The following RHBDD1 variants were observed in gnomAD, a reference collection of about 807,000 sequenced individuals.
RHBDD1 encodes rhomboid domain containing 1.
In RHBDD1, 38 loss-of-function variants were observed where a neutral mutation model predicts 36.3. The ratio of observed to expected loss-of-function variants is 1.05; its 90% CI spans 0.81 to 1.37. RHBDD1 has a LOEUF of 1.37. Ranked by LOEUF, RHBDD1 falls within the 40% of genes most tolerant of loss-of-function variation. The pLI, the probability that RHBDD1 is intolerant of heterozygous loss-of-function variation, is 0.00. For synonymous variants in RHBDD1, 151 were observed against 136.5 expected, an observed-to-expected ratio of 1.11 and a Z score of -0.74; for missense variants, 393 against 377.6, an observed-to-expected ratio of 1.04 and a Z score of -0.34.
intron 3 of RHBDD1, among the ~76,000 whole-genome samples, chr2:226,852,726 C>T (rs546392758): frequency 6.6e-6 from 1 of 152,088 alleles, no homozygotes; most frequent in African/African-American, 2.4e-5. Flanking sequence ...ATTTATTGCT[C>T]TACCTTGTCT....
At chr2:226,940,532 G>C (rs1171966827) in intron 8 of RHBDD1, among the ~76,000 whole-genome samples, 2 of 151,224 alleles carry the variant, frequency 1.3e-5, no homozygotes, top group South Asian at 4.2e-4. Flanking sequence ...TTATTTGCTT[G>C]TGTGTGTGTG....
At chr2:226,913,846 C>A (rs1238322323) in intron 7 of RHBDD1, among the ~76,000 whole-genome samples, 1 of 152,182 alleles carries the variant, frequency 6.6e-6, no homozygotes, top group African/African-American at 2.4e-5. Context: ...CCACCATTCT[C>A]TTGACTCAAG....
intron 5 of RHBDD1, among the ~76,000 whole-genome samples, chr2:226,889,391 C>T (rs1031262400): frequency 2.0e-5 from 3 of 152,048 alleles, no homozygotes; most frequent in Non-Finnish European, 4.4e-5. Flanking sequence ...ACGTTAGTTG[C>T]GATTGAGTTT....
At chr2:226,833,225 C>T (rs1940786824), upstream of RHBDD1, among the ~76,000 whole-genome samples, 4 of 152,198 alleles carry the variant, frequency 2.6e-5, no homozygotes, top group African/African-American at 9.7e-5. Flanking sequence ...ATCAGTTTTA[C>T]ACATATTTTG....
chr2:226,831,792 G>GA (rs1377687361), upstream of RHBDD1, among the ~76,000 whole-genome samples: 11 of 151,850 alleles, frequency 7.2e-5, no homozygotes, highest in Non-Finnish European at 1.5e-4. Context: ...GTCTGTCTAG[G>GA]AATTTGTCCA....
At chr2:226,914,470 G>C in intron 8 of RHBDD1, 119 bp downstream of exon 8, 1 of 1,182,728 alleles carries the variant, frequency 8.5e-7, no homozygotes, top group Non-Finnish European at 1.2e-6. Flanking sequence ...ATATGTAGAT[G>C]AAAACTGTGT....
intron 5 of RHBDD1, among the ~76,000 whole-genome samples, chr2:226,900,730 T>C (rs1160244387): frequency 1.3e-5 from 2 of 152,188 alleles, no homozygotes; most frequent in African/African-American, 2.4e-5. Context: ...CCCAGCTTTA[T>C]TGAGGCATCA....
At chr2:226,894,523 G>A (rs1229621089) in intron 5 of RHBDD1, among the ~76,000 whole-genome samples, 7 of 152,110 alleles carry the variant, frequency 4.6e-5, no homozygotes, top group East Asian at 1.9e-4. Flanking sequence ...TGCCTGCCTC[G>A]GCCTCCCAAA....
the RHBDD1 span, among the ~76,000 whole-genome samples, chr2:226,814,751 G>C: frequency 2.0e-5 from 3 of 152,182 alleles, no homozygotes; most frequent in Non-Finnish European, 2.9e-5. Flanking sequence ...TGAGCAACGG[G>C]TAGGCTAGTG....
intron 8 of RHBDD1, among the ~76,000 whole-genome samples, chr2:226,950,458 CT>C (rs751888422): frequency 9.2e-5 from 14 of 152,172 alleles, no homozygotes; most frequent in Admixed American, 2.0e-4. Context: ...TTGATGGACA[CT>C]TAGGTTGATT....
At chr2:226,968,858 T>A (rs1045006557) in intron 8 of RHBDD1, 1 of 152,202 alleles carries the variant, frequency 6.6e-6, no homozygotes, top group African/African-American at 2.4e-5. Context: ...CTCAATTTCC[T>A]CATCTGAGGA....
chr2:226,886,044 A>G (rs1946175591), intron 5 of RHBDD1, among the ~76,000 whole-genome samples: 1 of 152,222 alleles, frequency 6.6e-6, no homozygotes, highest in Non-Finnish European at 1.5e-5. Context: ...TTGTTTATTT[A>G]TAGAATTTTC....
intron 8 of RHBDD1, among the ~76,000 whole-genome samples, chr2:226,966,717 T>C (rs971600454): frequency 6.6e-6 from 1 of 152,206 alleles, no homozygotes; most frequent in African/African-American, 2.4e-5. Flanking sequence ...GCCTGGAAGC[T>C]TGTTAGAAAT....
intron 3 of RHBDD1, among the ~76,000 whole-genome samples, chr2:226,863,999 C>G (rs1944093474): frequency 6.6e-6 from 1 of 152,054 alleles, no homozygotes; most frequent in Admixed American, 6.6e-5. Context: ...AAGTGAGCCT[C>G]TTAAAAACAA....
chr2:226,817,790 C>T, the RHBDD1 span, among the ~76,000 whole-genome samples: 2 of 152,300 alleles, frequency 1.3e-5, no homozygotes, highest in Non-Finnish European at 2.9e-5. Flanking sequence ...GGGGTGCTCA[C>T]GCAAAGTTAG....
chr2:226,929,909 CAAAACAA>C (rs1949917074), intron 8 of RHBDD1, among the ~76,000 whole-genome samples: 1 of 151,496 alleles, frequency 6.6e-6, no homozygotes. Context: ...TGCAAACAAA[CAAAACAA>C]AAAACAAAAC....
intron 3 of RHBDD1, among the ~76,000 whole-genome samples, chr2:226,858,180 C>G (rs956253132): frequency 6.6e-6 from 1 of 152,112 alleles, no homozygotes; most frequent in Non-Finnish European, 1.5e-5. Flanking sequence ...CCTAAATTTT[C>G]CCCTATTTCT....
intron 8 of RHBDD1, among the ~76,000 whole-genome samples, chr2:226,975,305 A>G (rs1489028348): frequency 6.6e-6 from 1 of 152,166 alleles, no homozygotes; most frequent in African/African-American, 2.4e-5. Context: ...ACACACATCT[A>G]TAAATACATA....
chr2:226,923,981 C>T (rs938797546), intron 8 of RHBDD1, among the ~76,000 whole-genome samples: 2 of 152,256 alleles, frequency 1.3e-5, no homozygotes, highest in East Asian at 3.9e-4. Flanking sequence ...CCCCAAGAGC[C>T]TGCCTGATGC....
Sources: allele counts gnomAD v4.1 joint callset (sites outside exome capture counted in the v4.1 genomes callset), GRCh38; gene constraint gnomAD v4.1.1; transcripts MANE v1.5; gene names NCBI Gene and HGNC (gene_info 2026-07-23, HGNC 2026-07-21).